The following ZNF652 variants were observed in gnomAD, a reference collection of about 807,000 sequenced individuals.
ZNF652 encodes zinc finger protein 652.
In ZNF652, 16 loss-of-function variants were observed where a neutral mutation model predicts 45.2. The ratio of observed to expected loss-of-function variants is 0.35; its 90% confidence interval spans 0.24 to 0.54. The LOEUF (loss-of-function observed/expected upper bound fraction) is 0.54. Ranked by LOEUF, ZNF652 falls within the 20% of genes least tolerant of loss-of-function variation. The probability of loss-of-function intolerance (pLI) is 0.91; values close to 1 mark genes in which losing one functional copy is unlikely to be tolerated. For synonymous variants in ZNF652, 250 were observed against 260.6 expected, an observed-to-expected ratio of 0.96 and a Z score of 0.39; for missense variants, 614 against 765.6, an observed-to-expected ratio of 0.80 and a Z score of 2.34.
chr17:49,312,041 T>C lies in ZNF652; in HGVS notation c.1050A>G (p.Ala350=), dbSNP rs573733665. ...ATGTAAATGGCATGTCTTTTGTGTG[T>C]GCTGCAACACAGAATGTACTTAGTG... The part of the protein sequence containing the change: ...TMAHVRKHMV[A]HTKDMPFTCE... Residue 350 remains alanine, a splice_region_variant and synonymous_variant, in exon 4 of 6, where the codon GCA becomes GCG. Coordinates refer to ENST00000430262, the MANE Select transcript of ZNF652 (RefSeq NM_001145365.3). 6.2e-7 allele frequency: 1 copy of C among 1,610,472 alleles called. No individual in the cohort carries two copies. Among genetic ancestry groups the C allele is most frequent in the Non-Finnish European group, 8.5e-7 (1 of 1,177,180 alleles).
At position 49,291,106 on chromosome 17, in the gene ZNF652, ATGAAT is replaced by A. The variant is rs1228252164; in HGVS notation, c.*7302_*7306del. 6.6e-6 allele frequency: 1 copy of A among 152,220 alleles called. No homozygotes were observed. The highest frequency in any genetic ancestry group is 1.5e-5 in the Non-Finnish European group (1 of 68,042). The allele number at this position is 152,220 out of a possible 1,614,324, so 9.4% of individuals were successfully genotyped here. On this transcript the variant is annotated 3_prime_UTR_variant, in exon 6 of 6. Transcript: ENST00000430262. ...TGTCACACTGTTTCTTTTTAAACTA[ATGAAT>A]TGAATTAATAGAGCATGAAAAGATA...
chr17:49,333,917 A>G (rs965170590), intron 1 of ZNF652, among the ~76,000 whole-genome samples: 2 of 152,050 alleles, frequency 1.3e-5, no homozygotes, highest in Admixed American at 1.3e-4. Context: ...TGGAAGCCTC[A>G]TATGTTACTG....
At chr17:49,321,405 C>T (rs1041205955) in intron 1 of ZNF652, among the ~76,000 whole-genome samples, 1 of 148,352 alleles carries the variant, frequency 6.7e-6, no homozygotes, top group African/African-American at 2.5e-5. Flanking sequence ...CTGGGACTAC[C>T]GGCGCCCACC....
intron 1 of ZNF652, among the ~76,000 whole-genome samples, chr17:49,327,059 G>A (rs965973275): frequency 1.3e-5 from 2 of 152,056 alleles, no homozygotes; most frequent in African/African-American, 4.8e-5. Flanking sequence ...AAACTGAAAC[G>A]CTTGGTAAAT....
chr17:49,299,596 G>C (rs576813665), intron 5 of ZNF652, among the ~76,000 whole-genome samples: 1 of 151,998 alleles, frequency 6.6e-6, no homozygotes, highest in Admixed American at 6.6e-5. Flanking sequence ...GGCCAGGCTG[G>C]TCTCGAACTC....
rs748093058 is a variant in ZNF652, at chr17:49,317,100, G to T, written c.626C>A (p.Thr209Asn). Residue 209 changes from threonine to asparagine, a missense_variant, in exon 2 of 6, where the codon ACT becomes AAT. Thr to Asn is a moderately conservative substitution (Grantham distance 65, BLOSUM62 0). Coordinates refer to ENST00000430262, the MANE Select transcript of ZNF652 (RefSeq NM_001145365.3). ...TACACTCTTCCTACGACCTCTTGTA[G>T]TTCTGGGAGTAGGGGAAGTGGTAGC... ...AAATTSPTPRTTRGRRKSVEP... is the reference protein window; with the variant it reads ...AAATTSPTPRNTRGRRKSVEP... 1.2e-6 allele frequency: 2 copies of T among 1,614,072 alleles called. No individual in the cohort carries two copies. The highest frequency in any genetic ancestry group is 2.2e-5 in the South Asian group (2 of 91,078).
At chr17:49,301,464 A>G (rs1394163385) in intron 5 of ZNF652, among the ~76,000 whole-genome samples, 6 of 151,996 alleles carry the variant, frequency 3.9e-5, no homozygotes, top group Non-Finnish European at 8.8e-5. Flanking sequence ...CACCCAGCTA[A>G]GTTTTGTATT....
intron 1 of ZNF652, among the ~76,000 whole-genome samples, chr17:49,355,878 A>G (rs1413240530): frequency 6.6e-6 from 1 of 152,082 alleles, no homozygotes; most frequent in East Asian, 1.9e-4. Context: ...AAGCCTGGGC[A>G]ACATAGCGAG....
In ZNF652 at chr17:49,309,329, T is replaced by TAAA. The variant is rs11307814; in HGVS notation, c.1309+1980_1309+1982dup. On this transcript the variant is annotated intron_variant, in intron 5 of 5. Transcript: ENST00000430262. ...CAATATGGTGAAACCCTGTCTCTAC[T>TAAA]AAAAAAAAAAAAAAAAAAAAAAAAA... Among the ~76,000 whole-genome samples the TAAA allele has an allele frequency of 5.1e-3, 336 of 66,304 alleles. 12 individuals carry two copies. Among genetic ancestry groups the TAAA allele is most frequent in the African/African-American group, 0.015 (243 of 16,196 alleles). The allele number at this position is 66,304 out of a possible 152,430, so 43.5% of individuals were successfully genotyped here.
chr17:49,321,376 G>A (rs1300472858), intron 1 of ZNF652, among the ~76,000 whole-genome samples: 2 of 147,104 alleles, frequency 1.4e-5, no homozygotes, highest in African/African-American at 2.5e-5. Context: ...TGATTCTCCT[G>A]TCTCAGACTC....
chr17:49,293,669 A>G lies in ZNF652; in HGVS notation c.*4744T>C, dbSNP rs1156250360. On this transcript the variant is annotated 3_prime_UTR_variant, in exon 6 of 6. Coordinates refer to ENST00000430262, the MANE Select transcript of ZNF652 (RefSeq NM_001145365.3). ...CCTTTCATTCCTAAAAAAAAAAAAA[A>G]AAAAAAAAAAAAAAAACTCTTAAGT... 7.2e-6 allele frequency among the ~76,000 whole-genome samples: 1 copy of G among 138,644 alleles called. No individual in the cohort carries two copies. The highest frequency in any genetic ancestry group is 1.5e-5 in the Non-Finnish European group (1 of 66,942). The allele number at this position is 138,644 out of a possible 152,430, so 91.0% of individuals were successfully genotyped here.
chr17:49,356,347 T>C (rs1410545093), intron 1 of ZNF652, among the ~76,000 whole-genome samples: 2 of 135,832 alleles, frequency 1.5e-5, no homozygotes, highest in East Asian at 4.6e-4. Context: ...GAGAATTGCT[T>C]GAACCCGGGA....
chr17:49,351,010 TATATACAC>T (rs1373529293), intron 1 of ZNF652, among the ~76,000 whole-genome samples: 103 of 19,568 alleles, frequency 5.3e-3, no homozygotes, highest in African/African-American at 0.021. Context: ...TATATATATA[TATATACAC>T]ACACACACAC....
chr17:49,353,593 T>C (rs2070305024), intron 1 of ZNF652, among the ~76,000 whole-genome samples: 1 of 152,150 alleles, frequency 6.6e-6, no homozygotes, highest in Non-Finnish European at 1.5e-5. Context: ...AAGCACTATA[T>C]AGGGCAGTGT....
chr17:49,314,059 T>C (rs2069762476), intron 2 of ZNF652, among the ~76,000 whole-genome samples: 1 of 149,580 alleles, frequency 6.7e-6, no homozygotes, highest in Non-Finnish European at 1.5e-5. Context: ...ATACGAATAA[T>C]TGAAATGTTA....
chr17:49,301,045 T>A (rs2069545763), intron 5 of ZNF652, among the ~76,000 whole-genome samples: 1 of 152,188 alleles, frequency 6.6e-6, no homozygotes, highest in South Asian at 2.1e-4. Flanking sequence ...ATTTTCTTAC[T>A]TTCTCATCTA....
chr17:49,311,440 A>T lies in ZNF652; in HGVS notation c.1181T>A (p.Phe394Tyr), dbSNP rs1334144764. ...PFRCENCDER[F>Y]QYKYQLRSHM... is the part of the protein sequence containing the mutation. Reference sequence around the variant, plus strand: ...GGAGCGTAGCTGGTACTTGTACTGAAACCTTTCGTCACAGTTCTGCATTGG... The same window carrying T: ...GGAGCGTAGCTGGTACTTGTACTGATACCTTTCGTCACAGTTCTGCATTGG... Residue 394 changes from phenylalanine to tyrosine, a missense_variant, in exon 5 of 6, where the codon TTT becomes TAT. Transcript: ENST00000430262. 1 of 1,613,942 alleles carries T rather than the reference A, an allele frequency of 6.2e-7. No homozygotes were observed. Among genetic ancestry groups the T allele is most frequent in the African/African-American group, 1.3e-5 (1 of 74,922 alleles).
At chr17:49,357,917 A>G (rs146229562) in intron 1 of ZNF652, among the ~76,000 whole-genome samples, 58 of 152,348 alleles carry the variant, frequency 3.8e-4, no homozygotes, top group African/African-American at 1.2e-3. Context: ...TCCAAGTCAA[A>G]TATTTGCAAT....
rs956099210 is a variant in ZNF652, at chr17:49,296,802, A to T, written c.*1611T>A. Reference sequence around the variant, plus strand: ...TTTAGCCTGGGAACTCAGTTCTCTCAGATAAAGAAATACAAAATTTTAAGC... The same window carrying T: ...TTTAGCCTGGGAACTCAGTTCTCTCTGATAAAGAAATACAAAATTTTAAGC... On this transcript the variant is annotated 3_prime_UTR_variant, in exon 6 of 6. Transcript: ENST00000430262. The T allele has an allele frequency of 6.6e-6, 1 of 152,206 alleles. No individual in the cohort carries two copies. The highest frequency in any genetic ancestry group is 2.4e-5 in the African/African-American group (1 of 41,440). 9.4% of individuals were successfully genotyped at this position (152,206 alleles called of 1,614,324 possible).
Sources: allele counts gnomAD v4.1 joint callset (sites outside exome capture counted in the v4.1 genomes callset), GRCh38; gene constraint gnomAD v4.1.1; transcripts MANE v1.5; gene names NCBI Gene and HGNC (gene_info 2026-07-23, HGNC 2026-07-21).